GPR39: variants seen among roughly 807,000 people sequenced by gnomAD.
GPR39 encodes the protein G protein-coupled receptor 39.
Under a neutral mutation model 18.4 loss-of-function variants are expected in GPR39, and 23 were observed. That is an observed-to-expected ratio of 1.25 (90% confidence interval 0.90 to 1.77). The LOEUF (loss-of-function observed/expected upper bound fraction) is 1.77. Among genes scored for constraint, GPR39 ranks in the 40% most tolerant of loss-of-function variants. GPR39 has a pLI of 0.00. For missense variants in GPR39, 647 were observed against 602.4 expected (o/e 1.07, Z -0.78); for synonymous variants, 280 against 257.9 (o/e 1.09, Z -0.82).
At chr2:132,422,354 T>C (rs1451330568) in intron 1 of GPR39, among the ~76,000 whole-genome samples, 2 of 152,236 alleles carry the variant, frequency 1.3e-5, no homozygotes, top group African/African-American at 4.8e-5. Flanking sequence ...TTCTGTACCC[T>C]GTGTGCAGGC....
chr2:132,439,770 A>C (rs1478852948), intron 1 of GPR39, among the ~76,000 whole-genome samples: 1 of 152,196 alleles, frequency 6.6e-6, no homozygotes, highest in Non-Finnish European at 1.5e-5. Context: ...GTCACCAACC[A>C]GTTTTCACAA....
intron 1 of GPR39, among the ~76,000 whole-genome samples, chr2:132,640,198 A>G (rs1573713342): frequency 6.6e-6 from 1 of 152,228 alleles, no homozygotes; most frequent in East Asian, 1.9e-4. Flanking sequence ...TGTCAGATAC[A>G]TCAATGCCAC....
intron 1 of GPR39, among the ~76,000 whole-genome samples, chr2:132,601,330 T>C (rs970106782): frequency 2.6e-5 from 4 of 152,172 alleles, no homozygotes; most frequent in South Asian, 2.1e-4. Flanking sequence ...ATAAATGTGA[T>C]ACACAACATC....
At chr2:132,427,158 A>ATATATATC (rs1250488079) in intron 1 of GPR39, among the ~76,000 whole-genome samples, 3 of 77,150 alleles carry the variant, frequency 3.9e-5, no homozygotes, top group Admixed American at 1.3e-4. Flanking sequence ...ATATATATAT[A>ATATATATC]TATATATGAA....
chr2:132,631,097 GA>G (rs924154345), intron 1 of GPR39, among the ~76,000 whole-genome samples: 1 of 152,094 alleles, frequency 6.6e-6, no homozygotes, highest in African/African-American at 2.4e-5. Flanking sequence ...CAGGGAGAGG[GA>G]AAAAGAAGGG....
chr2:132,638,704 C>A (rs80132688), intron 1 of GPR39, among the ~76,000 whole-genome samples: 1 of 152,308 alleles, frequency 6.6e-6, no homozygotes, highest in African/African-American at 2.4e-5. Flanking sequence ...GTGCTAAAAT[C>A]TTTTATTGGA....
chr2:132,427,170 T>A (rs1390778390), intron 1 of GPR39, among the ~76,000 whole-genome samples: 3 of 47,200 alleles, frequency 6.4e-5, no homozygotes, highest in African/African-American at 2.2e-4. Context: ...ATATATGAAA[T>A]TTTTTTTTTT....
At chr2:132,624,296 G>A (rs1456847784) in intron 1 of GPR39, among the ~76,000 whole-genome samples, 2 of 152,030 alleles carry the variant, frequency 1.3e-5, no homozygotes, top group African/African-American at 2.4e-5. Flanking sequence ...TTAGATTGGG[G>A]CTCATTGTAA....
chr2:132,578,134 T>C (rs1361328748), intron 1 of GPR39, among the ~76,000 whole-genome samples: 1 of 151,558 alleles, frequency 6.6e-6, no homozygotes, highest in Non-Finnish European at 1.5e-5. Flanking sequence ...GCAATTGATA[T>C]GATCACACGA....
At chr2:132,644,809 T>A (rs1053053840) in intron 1 of GPR39, 2 of 368,150 alleles carry the variant, frequency 5.4e-6, no homozygotes, top group Non-Finnish European at 9.7e-6. Flanking sequence ...CAAACACCAA[T>A]GAAAACATTT....
chr2:132,419,704 G>A (rs1023944853), intron 1 of GPR39, among the ~76,000 whole-genome samples: 1 of 152,068 alleles, frequency 6.6e-6, no homozygotes, highest in African/African-American at 2.4e-5. Flanking sequence ...AAACTGTAAG[G>A]TGTAATTTAT....
chr2:132,532,106 A>T (rs1167365512), intron 1 of GPR39, among the ~76,000 whole-genome samples: 1 of 152,262 alleles, frequency 6.6e-6, no homozygotes, highest in Non-Finnish European at 1.5e-5. Flanking sequence ...CACTAGCAAG[A>T]CTAAGAAGAA....
chr2:132,511,438 T>C (rs1046465437), intron 1 of GPR39, among the ~76,000 whole-genome samples: 2 of 152,216 alleles, frequency 1.3e-5, no homozygotes, highest in East Asian at 1.9e-4. Flanking sequence ...GAATGAAATA[T>C]GTTAAGCTTG....
rs368590762 is a variant in GPR39 at position 132,444,864 on chromosome 2, G to C, written c.856+26966G>C. 1.4e-4 allele frequency among the ~76,000 whole-genome samples: 22 copies of C among 152,272 alleles called. 1 individual carries two copies. In the South Asian group the frequency reaches 4.6e-3, roughly 32 times the overall value. On this transcript the variant is annotated intron_variant, in intron 1 of 1. Transcript: ENST00000329321. Reference sequence around the variant, plus strand: ...AAAAGCTGAAAACATCAGAGAGGATGCAGTGGACAAATATTGAGTCAGTCC... The same window carrying C: ...AAAAGCTGAAAACATCAGAGAGGATCCAGTGGACAAATATTGAGTCAGTCC...
chr2:132,526,212 T>A (rs2104771140), intron 1 of GPR39, among the ~76,000 whole-genome samples: 1 of 152,316 alleles, frequency 6.6e-6, no homozygotes, highest in Non-Finnish European at 1.5e-5. Flanking sequence ...TTGGAGATGT[T>A]TTTAGCATGC....
chr2:132,619,316 C>A (rs1681393756), intron 1 of GPR39, among the ~76,000 whole-genome samples: 1 of 152,184 alleles, frequency 6.6e-6, no homozygotes, highest in African/African-American at 2.4e-5. Context: ...AAAGATCCGG[C>A]AAGCATGGGT....
rs1009919992 is a variant in GPR39 at position 132,458,014 on chromosome 2, C to T, written c.856+40116C>T. Among the ~76,000 whole-genome samples the T allele has an allele frequency of 3.9e-5, 6 of 152,214 alleles. No individual in the cohort carries two copies. In the East Asian group the frequency reaches 9.6e-4, roughly 24 times the overall value. ...AAGCACAGTATTTGGGTGGAAGTGT[C>T]CTGTTTTTCCAGGTAGTCTGTCACG... On this transcript the variant is annotated intron_variant, in intron 1 of 1. Transcript: ENST00000329321.
intron 1 of GPR39, among the ~76,000 whole-genome samples, chr2:132,556,676 A>C: frequency 6.6e-6 from 1 of 152,204 alleles, no homozygotes; most frequent in East Asian, 1.9e-4. Flanking sequence ...TATGTGGTGC[A>C]GGCACATCTA....
At chr2:132,472,550 A>C (rs1315249482) in intron 1 of GPR39, among the ~76,000 whole-genome samples, 2 of 152,198 alleles carry the variant, frequency 1.3e-5, no homozygotes, top group South Asian at 4.1e-4. Context: ...TCACCTGTGA[A>C]CCAGGCCCAG....
Sources: allele counts gnomAD v4.1 joint callset (sites outside exome capture counted in the v4.1 genomes callset), GRCh38; gene constraint gnomAD v4.1.1; transcripts MANE v1.5; gene names NCBI Gene and HGNC (gene_info 2026-07-23, HGNC 2026-07-21).